The following CNTNAP2 variants were observed in gnomAD, a reference collection of about 807,000 sequenced individuals.
CNTNAP2 encodes the protein contactin associated protein 2.
CNTNAP2 carries 98 observed loss-of-function variants against 155.2 expected under a neutral mutation model. That is an observed-to-expected ratio of 0.63 (90% CI 0.54 to 0.75). The LOEUF (loss-of-function observed/expected upper bound fraction) is 0.75, where lower values mean the gene tolerates loss of function less well. Among genes scored for constraint, CNTNAP2 ranks in the 30% least tolerant of loss-of-function variants. CNTNAP2 has a pLI of 0.00. For missense variants in CNTNAP2, 1,727 were observed against 1,688.1 expected (o/e 1.02, Z -0.40); for synonymous variants, 651 against 631.2 (o/e 1.03, Z -0.47).
At chr7:146,990,948 A>G (rs1289298530) in intron 3 of CNTNAP2, among the ~76,000 whole-genome samples, 3 of 152,090 alleles carry the variant, frequency 2.0e-5, no homozygotes, top group East Asian at 1.9e-4. Context: ...GGGAAATAGA[A>G]AGCCCTAAGA....
At chr7:146,402,754 G>A (rs893543622) in intron 1 of CNTNAP2, among the ~76,000 whole-genome samples, 1 of 152,056 alleles carries the variant, frequency 6.6e-6, no homozygotes, top group African/African-American at 2.4e-5. Flanking sequence ...ATTAGACTTG[G>A]TGACTACATC....
chr7:146,854,413 C>G (rs1794936489), intron 3 of CNTNAP2, among the ~76,000 whole-genome samples: 2 of 152,058 alleles, frequency 1.3e-5, no homozygotes, highest in South Asian at 4.1e-4. Flanking sequence ...GTTGTAAAAA[C>G]AAATTAATCA....
chr7:147,978,105 A>T, intron 15 of CNTNAP2, 116 bp downstream of exon 15: 1 of 1,359,974 alleles, frequency 7.4e-7, no homozygotes, highest in East Asian at 2.5e-5. Context: ...CTACAGAAAC[A>T]TCACACAACC....
chr7:148,319,322 C>A (rs1198835427), intron 21 of CNTNAP2, among the ~76,000 whole-genome samples: 1 of 151,972 alleles, frequency 6.6e-6, no homozygotes, highest in African/African-American at 2.4e-5. Flanking sequence ...ATATTGTGAT[C>A]CTATATCTTT....
chr7:146,260,906 G>A (rs1799909680), intron 1 of CNTNAP2, among the ~76,000 whole-genome samples: 1 of 152,140 alleles, frequency 6.6e-6, no homozygotes, highest in African/African-American at 2.4e-5. Flanking sequence ...GAATAATATG[G>A]TTGGGCTCTG....
chr7:148,167,625 C>T (rs78668551), intron 17 of CNTNAP2, among the ~76,000 whole-genome samples: 12 of 152,226 alleles, frequency 7.9e-5, no homozygotes, highest in Non-Finnish European at 1.3e-4. Context: ...GCCTGTGAAC[C>T]GTGAGCCAGA....
intron 8 of CNTNAP2, among the ~76,000 whole-genome samples, chr7:147,144,294 T>A (rs888141672): frequency 6.6e-6 from 1 of 152,166 alleles, no homozygotes; most frequent in African/African-American, 2.4e-5. Flanking sequence ...ACATTACGTG[T>A]GGACACGGAG....
chr7:146,445,994 G>T (rs916032074), intron 1 of CNTNAP2, among the ~76,000 whole-genome samples: 11 of 152,096 alleles, frequency 7.2e-5, no homozygotes, highest in Admixed American at 7.2e-4. Context: ...TGACTAAGTT[G>T]CTTCTTGATG....
At chr7:146,571,408 A>G (rs968350961) in intron 1 of CNTNAP2, among the ~76,000 whole-genome samples, 2 of 152,136 alleles carry the variant, frequency 1.3e-5, no homozygotes, top group African/African-American at 2.4e-5. Flanking sequence ...TATTTTTATC[A>G]GAGGTCAACT....
intron 12 of CNTNAP2, among the ~76,000 whole-genome samples, chr7:147,616,622 T>C (rs10257525): frequency 0.032 from 4,845 of 152,246 alleles, 247 homozygotes; most frequent in African/African-American, 0.11. Context: ...AATATTAGGA[T>C]CTCCCTTACC....
chr7:146,870,541 A>T (rs1322603179), intron 3 of CNTNAP2, among the ~76,000 whole-genome samples: 1 of 152,148 alleles, frequency 6.6e-6, no homozygotes, highest in African/African-American at 2.4e-5. Context: ...TTCAATGTGA[A>T]TACTTCTATA....
rs190538991 is a variant in CNTNAP2 at position 146,274,099 on chromosome 7, T to C, written c.97+157126T>C. 5.1e-4 allele frequency among the ~76,000 whole-genome samples: 77 copies of C among 152,310 alleles called. No homozygotes were observed. In the Middle Eastern group the frequency reaches 0.014, roughly 27 times the overall value. On this transcript the variant is annotated intron_variant, in intron 1 of 23. Transcript: ENST00000361727. ...TGGCTGCAGTGCCTAATATACCTTA[T>C]ATGCTCAGTAAATGCCAGATAATGT...
At chr7:146,629,251 A>T (rs933253241) in intron 1 of CNTNAP2, among the ~76,000 whole-genome samples, 1 of 152,162 alleles carries the variant, frequency 6.6e-6, no homozygotes, top group Non-Finnish European at 1.5e-5. Context: ...CATCAGCCAC[A>T]CACATAGAAT....
intron 1 of CNTNAP2, among the ~76,000 whole-genome samples, chr7:146,409,032 C>A (rs911760179): frequency 1.3e-5 from 2 of 152,062 alleles, no homozygotes; most frequent in African/African-American, 4.8e-5. Flanking sequence ...TTGCAACGAT[C>A]CTACAACTTA....
chr7:146,538,141 G>A (rs569685645), intron 1 of CNTNAP2, among the ~76,000 whole-genome samples: 106 of 152,192 alleles, frequency 7.0e-4, no homozygotes, highest in African/African-American at 2.4e-3. Context: ...CAAAGGTGAT[G>A]AGAAGTAATC....
intron 21 of CNTNAP2, among the ~76,000 whole-genome samples, chr7:148,311,709 A>G (rs1036376777): frequency 2.6e-5 from 4 of 152,120 alleles, no homozygotes; most frequent in African/African-American, 7.2e-5. Context: ...AGAAAATGAG[A>G]GGTTCTAAGA....
At chr7:147,659,670 A>G (rs1795582895) in intron 13 of CNTNAP2, among the ~76,000 whole-genome samples, 1 of 152,228 alleles carries the variant, frequency 6.6e-6, no homozygotes, top group South Asian at 2.1e-4. Context: ...TTATAGCCAC[A>G]TATATTAAAT....
At chr7:146,925,726 G>C (rs1796595715) in intron 3 of CNTNAP2, among the ~76,000 whole-genome samples, 1 of 152,046 alleles carries the variant, frequency 6.6e-6, no homozygotes, top group African/African-American at 2.4e-5. Context: ...TTAAATTCCA[G>C]ATCCTGTTCT....
chr7:147,876,923 A>G (rs2116709109), intron 13 of CNTNAP2, among the ~76,000 whole-genome samples: 1 of 152,106 alleles, frequency 6.6e-6, no homozygotes, highest in East Asian at 1.9e-4. Flanking sequence ...AGGATATTAT[A>G]GGATTGGGGC....
Sources: allele counts gnomAD v4.1 joint callset (sites outside exome capture counted in the v4.1 genomes callset), GRCh38; gene constraint gnomAD v4.1.1; transcripts MANE v1.5; gene names NCBI Gene and HGNC (gene_info 2026-07-23, HGNC 2026-07-21).